Variants in NLRP1 observed in about 807,000 individuals in gnomAD.
NLRP1 encodes NACHT, LRR and PYD domains-containing protein 1.
NLRP1 carries 94 observed loss-of-function variants against 136.7 expected under a neutral mutation model. The ratio of observed to expected loss-of-function variants is 0.69; its 90% CI spans 0.58 to 0.82. NLRP1 has a LOEUF of 0.82. NLRP1 is among the 40% of genes least tolerant of loss of function. The pLI, the probability that NLRP1 is intolerant of heterozygous loss-of-function variation, is 0.00. For missense variants in NLRP1, 1,575 were observed against 1,802.7 expected (o/e 0.87, Z 2.29); for synonymous variants, 690 against 725.1 (o/e 0.95, Z 0.78).
At chr17:5,503,817 C>G (rs1463604482) in intron 15 of NLRP1, 1 of 147,746 alleles carries the variant, frequency 6.8e-6, no homozygotes, top group Admixed American at 6.7e-5. Flanking sequence ...AGTCCAGGGC[C>G]TGGAGCCAGA....
At chr17:5,580,061 C>T (rs186285293) in intron 3 of NLRP1, among the ~76,000 whole-genome samples, 122 of 152,100 alleles carry the variant, frequency 8.0e-4, no homozygotes, top group African/African-American at 2.9e-3. Context: ...TGGTGAAACC[C>T]CATCTCTACT....
rs757279356 is a variant in NLRP1, at chr17:5,558,705, C to G, written c.1991G>C (p.Gly664Ala). ...EKTLEAYGIHGLFGASTTRFL... is the reference protein window; with the variant it reads ...EKTLEAYGIHALFGASTTRFL... ...ACGTGTGGTTGATGCCCCAAACAGG[C>G]CATGTATTCCATATGCTTCTAGCGT... The change falls in exon 4 of 17, where the codon GGC becomes GCC. Residue 664 changes from glycine to alanine, a missense_variant. Gly to Ala is a moderately conservative substitution (Grantham distance 60). Transcript: ENST00000572272. 1.2e-6 allele frequency: 2 copies of G among 1,614,166 alleles called. No homozygotes were observed. Among genetic ancestry groups the G allele is most frequent in the East Asian group, 4.5e-5 (2 of 44,872 alleles).
In NLRP1 at chr17:5,533,947, C is replaced by G. The variant is rs994779944; in HGVS notation, c.3002G>C (p.Gly1001Ala). ...TGAGGATGTGCTATTACTCATCTCT[C>G]CCGTATCCAGGCCCTCAGTAGGGGT... ...VMTPTEGLDT[G>A]EMSNSTSSLK... Residue 1001 changes from glycine to alanine, a missense_variant, in exon 9 of 17, where the codon GGA becomes GCA. Coordinates refer to ENST00000572272, the MANE Select transcript of NLRP1 (RefSeq NM_033004.4). 5.0e-6 allele frequency: 8 copies of G among 1,613,610 alleles called. No homozygotes were observed. In the Admixed American group the frequency reaches 1.0e-4, roughly 20 times the overall value.
In NLRP1 at chr17:5,514,453, G is replaced by A. The variant is rs1171844429; in HGVS notation, c.*301C>T. ...TCCTATTCCTCTTTGCGCCTGGATG[G>A]GATCCGGAGGGCTCTAGGCTTGGCT... On this transcript the variant is annotated 3_prime_UTR_variant, in exon 17 of 17. Coordinates refer to ENST00000572272, the MANE Select transcript of NLRP1 (RefSeq NM_033004.4). 1.3e-5 allele frequency: 16 copies of A among 1,228,404 alleles called. No homozygotes were observed. Among genetic ancestry groups the A allele is most frequent in the Non-Finnish European group, 1.6e-5 (16 of 973,930 alleles). 76.1% of individuals were successfully genotyped at this position (1,228,404 alleles called of 1,614,324 possible). A position where few individuals can be genotyped will look rare whatever the true frequency, so the allele number is the denominator to read the frequency against.
At chr17:5,563,836 T>C (rs1159524594) in intron 3 of NLRP1, among the ~76,000 whole-genome samples, 1 of 152,056 alleles carries the variant, frequency 6.6e-6, no homozygotes, top group African/African-American at 2.4e-5. Context: ...ATTCCCCAAG[T>C]CCTCAGATTC....
chr17:5,524,043 C>T (rs1375269032), intron 12 of NLRP1, among the ~76,000 whole-genome samples: 4 of 152,210 alleles, frequency 2.6e-5, no homozygotes, highest in African/African-American at 4.8e-5. Flanking sequence ...CATGCCTCAG[C>T]CTCCCGAGTA....
At chr17:5,509,387 C>T (rs1449225295), downstream of NLRP1, among the ~76,000 whole-genome samples, 2 of 152,168 alleles carry the variant, frequency 1.3e-5, no homozygotes, top group East Asian at 3.9e-4. Flanking sequence ...AGAGTGTGTG[C>T]ATGGCTCAAA....
At position 5,546,817 on chromosome 17, in the gene NLRP1, G is replaced by A. The variant is rs536073315; in HGVS notation, c.2529-4790C>T. ...ATACAATAGTTAGGACTTTGCTTGC[G>A]GGTCTTGGGTAGTCTGGCATCCAAG... is the stretch of plus-strand genomic sequence containing the variant. On this transcript the variant is annotated intron_variant, in intron 5 of 16. Coordinates refer to ENST00000572272, the MANE Select transcript of NLRP1 (RefSeq NM_033004.4). Among the ~76,000 whole-genome samples the A allele has an allele frequency of 3.3e-5, 5 of 152,280 alleles. No homozygotes were observed. The East Asian group carries it at 9.7e-4, about 29-fold the overall frequency.
chr17:5,519,848 CTTTT>C (rs755028729), intron 14 of NLRP1, among the ~76,000 whole-genome samples: 47 of 90,240 alleles, frequency 5.2e-4, no homozygotes, highest in Non-Finnish European at 8.6e-4. Flanking sequence ...TAAATCAGGT[CTTTT>C]TTTTTTTTTT....
At chr17:5,548,604 G>A (rs1285983211) in intron 5 of NLRP1, among the ~76,000 whole-genome samples, 4 of 152,144 alleles carry the variant, frequency 2.6e-5, no homozygotes, top group Non-Finnish European at 2.9e-5. Flanking sequence ...AAGTATATTT[G>A]TGGTCTCATT....
At chr17:5,532,615 A>C (rs886400817) in intron 11 of NLRP1, among the ~76,000 whole-genome samples, 8 of 152,224 alleles carry the variant, frequency 5.3e-5, no homozygotes, top group African/African-American at 1.7e-4. Context: ...GAAAATTTTA[A>C]GTTTCATAAG....
At chr17:5,561,078 CAG>C (rs1291026783) in intron 3 of NLRP1, among the ~76,000 whole-genome samples, 3 of 152,186 alleles carry the variant, frequency 2.0e-5, no homozygotes, top group Non-Finnish European at 4.4e-5. Context: ...TTTTTTGAGG[CAG>C]AGTTTCTCTC....
At position 5,520,935 on chromosome 17, in the gene NLRP1, G is replaced by A. The variant is rs779290256; in HGVS notation, c.3861C>T (p.Gly1287=). The change falls in exon 14 of 17, where the codon GGC becomes GGT. Residue 1287 remains glycine, a synonymous_variant. Coordinates refer to ENST00000572272, the MANE Select transcript of NLRP1 (RefSeq NM_033004.4). ...CAGACCCAGACACAGTGTAACGACA[G>A]CCCATATAAAGTGGGGTCAGCGGGG... ...KPPPLTPLYM[G]CRYTVSGSGS... 1 of 1,612,328 alleles carries A rather than the reference G, an allele frequency of 6.2e-7. No homozygotes were observed. Among genetic ancestry groups the A allele is most frequent in the South Asian group, 1.1e-5 (1 of 90,708 alleles).
chr17:5,511,439 T>TAA (rs60642771), downstream of NLRP1, among the ~76,000 whole-genome samples: 3 of 137,342 alleles, frequency 2.2e-5, no homozygotes, highest in Admixed American at 7.2e-5. Flanking sequence ...AGCCTCCGTC[T>TAA]AAAAAAAAAA....
chr17:5,553,509 G>A lies in NLRP1; in HGVS notation c.2405C>T (p.Ser802Phe). 1 of 1,614,210 alleles carries A rather than the reference G, an allele frequency of 6.2e-7. No homozygotes were observed. The highest frequency in any genetic ancestry group is 1.7e-5 in the Admixed American group (1 of 60,022). The change falls in exon 5 of 17, where the codon TCC becomes TTC. Residue 802 changes from serine to phenylalanine, a missense_variant. Coordinates refer to ENST00000572272, the MANE Select transcript of NLRP1 (RefSeq NM_033004.4). ...CAGGTTTCTGGTGACCTTGAGGACGGAGAAGAGAATCTGCCAATAGGCATC... is the reference window on the plus strand; with the variant it reads ...CAGGTTTCTGGTGACCTTGAGGACGAAGAAGAGAATCTGCCAATAGGCATC... ...VTDAYWQILF[S>F]VLKVTRNLKE...
chr17:5,566,908 A>G (rs1202394145), intron 3 of NLRP1, among the ~76,000 whole-genome samples: 4 of 152,134 alleles, frequency 2.6e-5, no homozygotes, highest in African/African-American at 9.6e-5. Context: ...CATTATCATT[A>G]TATAGTGACC....
intron 3 of NLRP1, among the ~76,000 whole-genome samples, chr17:5,575,191 A>G (rs574743703): frequency 1.1e-4 from 16 of 152,304 alleles, no homozygotes; most frequent in Non-Finnish European, 1.6e-4. Context: ...AAAGACCACC[A>G]ATGCTAGGAA....
chr17:5,542,574 C>T (rs539930747), intron 5 of NLRP1, among the ~76,000 whole-genome samples: 62 of 152,286 alleles, frequency 4.1e-4, no homozygotes, highest in Admixed American at 7.8e-4. Context: ...GCACACCCAT[C>T]CCCAGACTCC....
intron 5 of NLRP1, among the ~76,000 whole-genome samples, chr17:5,545,212 G>A (rs2151781357): frequency 6.6e-6 from 1 of 152,220 alleles, no homozygotes; most frequent in South Asian, 2.1e-4. Flanking sequence ...GGAGGCCGAG[G>A]TGGGAGGATG....
Sources: gnomAD v4.1 joint callset for allele counts (sites outside exome capture counted in the v4.1 genomes callset) on GRCh38, gnomAD v4.1.1 for gene constraint, MANE v1.5 for transcripts, NCBI Gene and HGNC (gene_info 2026-07-23, HGNC 2026-07-21) for gene names.